Variants in WWP1 observed in about 807,000 individuals in gnomAD.
The protein encoded by WWP1 is WW domain containing E3 ubiquitin protein ligase 1.
In WWP1, 49 loss-of-function variants were observed where a neutral mutation model predicts 130.6. The ratio of observed to expected loss-of-function variants is 0.38; its 90% confidence interval spans 0.30 to 0.48. The LOEUF is 0.48. Ranked by LOEUF, WWP1 falls within the 20% of genes least tolerant of loss-of-function variation. The pLI is 0.99. For synonymous variants in WWP1, 332 were observed against 367.8 expected (o/e 0.90, Z 1.11); for missense variants, 809 against 1,100.6 (o/e 0.74, Z 3.75).
chr8:86,435,362 G>A (rs1810233819), intron 14 of WWP1, 90 bp from the exon 15 acceptor site: 1 of 1,348,478 alleles, frequency 7.4e-7, no homozygotes, highest in South Asian at 1.3e-5. Flanking sequence ...GTGGTATTTT[G>A]TTGGACTTTA....
intron 2 of WWP1, among the ~76,000 whole-genome samples, chr8:86,371,130 C>T (rs1824274581): frequency 6.6e-6 from 1 of 150,986 alleles, no homozygotes; most frequent in African/African-American, 2.4e-5. Context: ...CCTTGGGATC[C>T]ACCTTTGGGA....
At chr8:86,389,910 C>A (rs1442728968) in intron 5 of WWP1, among the ~76,000 whole-genome samples, 2 of 151,324 alleles carry the variant, frequency 1.3e-5, no homozygotes, top group Non-Finnish European at 3.0e-5. Flanking sequence ...GGGCGGCTGC[C>A]GGGCGGAGAC....
At chr8:86,382,104 A>T (rs1188338309) in intron 5 of WWP1, among the ~76,000 whole-genome samples, 1 of 152,156 alleles carries the variant, frequency 6.6e-6, no homozygotes, top group African/African-American at 2.4e-5. Flanking sequence ...TCCAAGGATA[A>T]CCAATCTTAA....
rs1160364936 is a variant in WWP1 at position 86,398,560 on chromosome 8, C to T, written c.473-12C>T. 1.2e-6 allele frequency: 2 copies of T among 1,611,522 alleles called. No homozygotes were observed. The highest frequency in any genetic ancestry group is 1.3e-5 in the African/African-American group (1 of 74,802). Reference sequence around the variant, plus strand: ...ATATAAAAACCTAGTTTTTTTCTTTCTTGTTGTTCAGTAGAAATACAGGAA... The same window carrying T: ...ATATAAAAACCTAGTTTTTTTCTTTTTTGTTGTTCAGTAGAAATACAGGAA... On this transcript the variant is annotated splice_polypyrimidine_tract_variant and intron_variant, in intron 6 of 24. Coordinates refer to ENST00000517970, the MANE Select transcript of WWP1 (RefSeq NM_007013.4).
chr8:86,458,188 T>C (rs184972645), intron 22 of WWP1, among the ~76,000 whole-genome samples, 163 bp downstream of exon 22: 14 of 152,338 alleles, frequency 9.2e-5, no homozygotes, highest in Admixed American at 3.9e-4. Context: ...TTGTTAAAAG[T>C]ACTTTCTATT....
intron 5 of WWP1, among the ~76,000 whole-genome samples, chr8:86,394,322 G>A (rs567812702): frequency 6.6e-6 from 1 of 152,120 alleles, no homozygotes; most frequent in Non-Finnish European, 1.5e-5. Flanking sequence ...GAAGGTCTAG[G>A]AGGTACAAAA....
chr8:86,456,408 A>G (rs1036684063), intron 21 of WWP1, among the ~76,000 whole-genome samples: 8 of 152,114 alleles, frequency 5.3e-5, no homozygotes, highest in African/African-American at 1.4e-4. Context: ...CAATAAAAAG[A>G]TAAGAAAACA....
intron 14 of WWP1, among the ~76,000 whole-genome samples, chr8:86,432,336 C>A (rs144891512): frequency 1.6e-4 from 25 of 152,144 alleles, no homozygotes; most frequent in African/African-American, 6.0e-4. Flanking sequence ...CATATCTGTC[C>A]GTCTCCTACC....
chr8:86,417,004 C>G (rs1280758547), intron 9 of WWP1, among the ~76,000 whole-genome samples: 1 of 152,120 alleles, frequency 6.6e-6, no homozygotes, highest in Non-Finnish European at 1.5e-5. Flanking sequence ...TTGGTAGCTA[C>G]CAGGTCCCAA....
chr8:86,388,616 G>T (rs2130414782), intron 5 of WWP1, among the ~76,000 whole-genome samples: 2 of 152,054 alleles, frequency 1.3e-5, no homozygotes, highest in South Asian at 2.1e-4. Flanking sequence ...TTCTGGTTTT[G>T]ATTGATACTG....
At chr8:86,409,784 C>A (rs1474295600) in intron 8 of WWP1, among the ~76,000 whole-genome samples, 8 of 151,656 alleles carry the variant, frequency 5.3e-5, no homozygotes, top group Non-Finnish European at 1.5e-5. Context: ...CGTTTGAACC[C>A]GGGAGGTGGA....
At chr8:86,355,032 A>G (rs1436827472) in intron 1 of WWP1, among the ~76,000 whole-genome samples, 2 of 152,168 alleles carry the variant, frequency 1.3e-5, no homozygotes, top group Non-Finnish European at 2.9e-5. Flanking sequence ...TTAAATATGC[A>G]CAAATAGAGT....
chr8:86,452,324 C>T (rs1811216795), intron 20 of WWP1, among the ~76,000 whole-genome samples: 1 of 151,914 alleles, frequency 6.6e-6, no homozygotes, highest in African/African-American at 2.4e-5. Context: ...TTTTCCTTTC[C>T]TATTTATTTT....
chr8:86,452,784 A>G (rs1283989245), intron 21 of WWP1, 105 bp downstream of exon 21: 3 of 1,379,236 alleles, frequency 2.2e-6, no homozygotes. Flanking sequence ...CCTGTAGCAC[A>G]ATCTTGAATC....
intron 5 of WWP1, among the ~76,000 whole-genome samples, chr8:86,389,411 C>G (rs890659150): frequency 2.0e-5 from 3 of 152,088 alleles, no homozygotes; most frequent in African/African-American, 7.2e-5. Context: ...ATCTTGCACC[C>G]CCCTTAATCC....
At chr8:86,440,204 C>T (rs899215327) in intron 17 of WWP1, among the ~76,000 whole-genome samples, 6 of 152,068 alleles carry the variant, frequency 3.9e-5, no homozygotes, top group Non-Finnish European at 8.8e-5. Flanking sequence ...TATCTGAGCC[C>T]TTATTTGCCT....
At chr8:86,419,268 A>C (rs1478388901) in intron 9 of WWP1, among the ~76,000 whole-genome samples, 1 of 152,138 alleles carries the variant, frequency 6.6e-6, no homozygotes, top group African/African-American at 2.4e-5. Context: ...AAATACAAAA[A>C]TTAGCCAGGC....
In WWP1 at chr8:86,425,332, CTT is replaced by C. The variant is rs563720643; in HGVS notation, c.1157+16_1157+17del. 4.0e-4 allele frequency: 625 copies of C among 1,570,356 alleles called. 6 individuals are homozygous for C. In the African/African-American group the frequency reaches 7.4e-3, roughly 18 times the overall value. ...TTTACCTCCAGGGTAATATAGCACT[CTT>C]TATGCATTTGTAATTATATTTTATC... On this transcript the variant is annotated intron_variant, in intron 10 of 24. Transcript: ENST00000517970.
chr8:86,447,058 G>A (rs1563541855), intron 18 of WWP1, among the ~76,000 whole-genome samples: 1 of 152,138 alleles, frequency 6.6e-6, no homozygotes, highest in Non-Finnish European at 1.5e-5. Flanking sequence ...GAAAGTGGGA[G>A]AGTGAATGCA....
Sources: gnomAD v4.1 joint callset for allele counts (sites outside exome capture counted in the v4.1 genomes callset) on GRCh38, gnomAD v4.1.1 for gene constraint, MANE v1.5 for transcripts, NCBI Gene and HGNC (gene_info 2026-07-23, HGNC 2026-07-21) for gene names.